Variants in TRABD2B observed in about 807,000 individuals in gnomAD.
The protein encoded by TRABD2B is metalloprotease TIKI2.
Under a neutral mutation model 40.1 loss-of-function variants are expected in TRABD2B, and 14 were observed. That is an observed-to-expected ratio of 0.35 (90% CI 0.23 to 0.55). The LOEUF is 0.55. Among genes scored for constraint, TRABD2B ranks in the 20% least tolerant of loss-of-function variants. The pLI, the probability that TRABD2B is intolerant of heterozygous loss-of-function variation, is 0.90. For synonymous variants in TRABD2B, 263 were observed against 277.0 expected (o/e 0.95, Z 0.50); for missense variants, 541 against 648.6 (o/e 0.83, Z 1.80).
chr1:47,918,472 T>C (rs916697371), intron 2 of TRABD2B, among the ~76,000 whole-genome samples: 90 of 152,192 alleles, frequency 5.9e-4, no homozygotes, highest in African/African-American at 2.1e-3. Context: ...ACATAGCTAG[T>C]ACGCAGCACG....
At chr1:47,952,628 G>C (rs970928879) in intron 2 of TRABD2B, among the ~76,000 whole-genome samples, 1 of 152,138 alleles carries the variant, frequency 6.6e-6, no homozygotes, top group Non-Finnish European at 1.5e-5. Context: ...CTCAGCACCT[G>C]TCACCCACTC....
At chr1:47,766,881 T>G (rs770567216) in intron 6 of TRABD2B, among the ~76,000 whole-genome samples, 17 of 152,206 alleles carry the variant, frequency 1.1e-4, no homozygotes, top group Non-Finnish European at 2.4e-4. Flanking sequence ...ACAGGTGAGA[T>G]TCTTGGCTCA....
intron 2 of TRABD2B, among the ~76,000 whole-genome samples, chr1:47,927,411 C>G (rs990265461): frequency 6.6e-6 from 1 of 152,258 alleles, no homozygotes; most frequent in Admixed American, 6.5e-5. Context: ...GGAACGTGAG[C>G]CTGCCAGTGC....
chr1:47,857,368 G>A lies in TRABD2B; in HGVS notation c.667-55749C>T, dbSNP rs906360414. ...GCAGGTGCTCCTGTTTAGGCACAAT[G>A]AGCCGGGCCAGCCACCGTTGCTGCA... On this transcript the variant is annotated intron_variant, in intron 2 of 6. Coordinates refer to ENST00000606738, the MANE Select transcript of TRABD2B (RefSeq NM_001194986.2). 2.6e-5 allele frequency among the ~76,000 whole-genome samples: 4 copies of A among 152,116 alleles called. No homozygotes were observed. In the East Asian group the frequency reaches 7.7e-4, roughly 29 times the overall value.
At chr1:47,921,258 G>T (rs1031004152) in intron 2 of TRABD2B, among the ~76,000 whole-genome samples, 1 of 152,202 alleles carries the variant, frequency 6.6e-6, no homozygotes, top group Non-Finnish European at 1.5e-5. Flanking sequence ...TGAATTTCCA[G>T]AAGTGGAGAC....
intron 2 of TRABD2B, among the ~76,000 whole-genome samples, chr1:47,849,786 C>T (rs1557612337): frequency 6.6e-6 from 1 of 152,202 alleles, no homozygotes; most frequent in Non-Finnish European, 1.5e-5. Context: ...CAACGTGGCT[C>T]CCGCCCAAGG....
At chr1:47,977,738 G>A (rs899331085) in intron 2 of TRABD2B, among the ~76,000 whole-genome samples, 7 of 151,716 alleles carry the variant, frequency 4.6e-5, no homozygotes, top group Admixed American at 1.3e-4. Context: ...GGCTCCAGGA[G>A]ACATTGGAGG....
intron 2 of TRABD2B, among the ~76,000 whole-genome samples, chr1:47,810,149 TGTGTGC>T (rs1448360089): frequency 7.9e-6 from 1 of 127,218 alleles, no homozygotes; most frequent in African/African-American, 3.1e-5. Context: ...TGTGTGTGTG[TGTGTGC>T]GCGCGCGCGC....
At chr1:47,844,195 GT>G (rs1345478469) in intron 2 of TRABD2B, among the ~76,000 whole-genome samples, 1 of 152,212 alleles carries the variant, frequency 6.6e-6, no homozygotes, top group East Asian at 1.9e-4. Context: ...ACTTTAAAAA[GT>G]GATATAAGCC....
intron 2 of TRABD2B, among the ~76,000 whole-genome samples, chr1:47,979,939 T>C (rs894862238): frequency 7.9e-5 from 12 of 152,068 alleles, no homozygotes; most frequent in Non-Finnish European, 1.8e-4. Context: ...CTGGGTGAGG[T>C]GTTCCAGTTT....
intron 2 of TRABD2B, among the ~76,000 whole-genome samples, chr1:47,834,618 A>G (rs1645295249): frequency 6.7e-6 from 1 of 150,124 alleles, no homozygotes; most frequent in South Asian, 2.1e-4. Flanking sequence ...CCTTCAGCAA[A>G]GACTGAGGGA....
Position 47,761,781 on chromosome 1 carries a change from A to T in TRABD2B, c.*4121T>A, listed in dbSNP as rs182413264. The T allele has an allele frequency of 5.9e-5, 9 of 152,394 alleles. No individual in the cohort carries two copies. Among genetic ancestry groups the T allele is most frequent in the African/African-American group, 2.2e-4 (9 of 41,582 alleles). 9.4% of individuals were successfully genotyped at this position (152,394 alleles called of 1,614,324 possible). A position where few individuals can be genotyped will look rare whatever the true frequency, so the allele number is the denominator to read the frequency against. ...CTTGGGGGCTCCGGGCCATCCCCAG[A>T]CAGCTTTGGCTTGGTGGAAATTATG... On this transcript the variant is annotated 3_prime_UTR_variant, in exon 7 of 7. Coordinates refer to ENST00000606738, the MANE Select transcript of TRABD2B (RefSeq NM_001194986.2).
At chr1:47,795,626 G>T (rs1644738008) in intron 3 of TRABD2B, 1 of 982,030 alleles carries the variant, frequency 1.0e-6, no homozygotes, top group Admixed American at 6.2e-5. Flanking sequence ...ATGATATTGT[G>T]GGGATTCAAT....
At chr1:47,784,049 G>A (rs1162668225) in intron 4 of TRABD2B, among the ~76,000 whole-genome samples, 1 of 152,144 alleles carries the variant, frequency 6.6e-6, no homozygotes, top group Non-Finnish European at 1.5e-5. Context: ...TACTTAGTGG[G>A]CCTCCCGAGT....
intron 2 of TRABD2B, among the ~76,000 whole-genome samples, chr1:47,925,055 T>A (rs1644951886): frequency 6.6e-6 from 1 of 152,168 alleles, no homozygotes; most frequent in South Asian, 2.1e-4. Context: ...CTCTTAATAT[T>A]TCCAGCAAAC....
intron 2 of TRABD2B, among the ~76,000 whole-genome samples, chr1:47,851,000 C>A (rs544267551): frequency 6.6e-6 from 1 of 152,144 alleles, no homozygotes; most frequent in Admixed American, 6.5e-5. Flanking sequence ...GCTGATCTGA[C>A]AGGAGGCGGA....
chr1:47,870,750 C>T (rs970569043), intron 2 of TRABD2B, among the ~76,000 whole-genome samples: 3 of 152,112 alleles, frequency 2.0e-5, no homozygotes, highest in East Asian at 1.9e-4. Context: ...GCATGACCTA[C>T]GTTAAATGGG....
chr1:47,791,930 G>A (rs1158447581), intron 4 of TRABD2B, among the ~76,000 whole-genome samples: 1 of 152,134 alleles, frequency 6.6e-6, no homozygotes, highest in Non-Finnish European at 1.5e-5. Context: ...ACTTTCTGGG[G>A]GCTTTGCTCA....
chr1:47,848,567 T>G (rs969897147), intron 2 of TRABD2B, among the ~76,000 whole-genome samples: 8 of 152,236 alleles, frequency 5.3e-5, no homozygotes, highest in African/African-American at 1.9e-4. Flanking sequence ...TTGTTACAGA[T>G]GCATGAACCC....
Sources: allele counts gnomAD v4.1 joint callset (sites outside exome capture counted in the v4.1 genomes callset), GRCh38; gene constraint gnomAD v4.1.1; transcripts MANE v1.5; gene names NCBI Gene and HGNC (gene_info 2026-07-23, HGNC 2026-07-21).